Variants in PRAG1 observed in about 807,000 individuals in gnomAD.
PRAG1 encodes PEAK1 related, kinase-activating pseudokinase 1, also known as inactive tyrosine-protein kinase PRAG1.
A neutral mutation model predicts 95.6 loss-of-function variants in PRAG1; 110 were observed. The ratio of observed to expected loss-of-function variants is 1.15; its 90% CI spans 0.99 to 1.35. The LOEUF is 1.35. PRAG1 is among the 40% of genes most tolerant of loss of function. The pLI is 0.00. For synonymous variants in PRAG1, 1,052 were observed against 819.4 expected, an observed-to-expected ratio of 1.28 and a Z score of -4.85; for missense variants, 2,554 against 1,864.7, an observed-to-expected ratio of 1.37 and a Z score of -6.81.
intron 3 of PRAG1, chr8:8,374,703 C>G (rs533541867): frequency 1.9e-4 from 190 of 985,404 alleles, no homozygotes; most frequent in Non-Finnish European, 2.2e-4. Flanking sequence ...GCCAAAGAGT[C>G]TGCAATCACC....
rs745354701 is a variant in PRAG1 at position 8,318,945 on chromosome 8, G to A, written c.3430C>T (p.Arg1144Trp). ...AGCAGGTTCTCCAGGCACAGGTCCC[G>A]GTGGATGATCCCGTGCTCCTTCAGG... ...EHLKEHGIIH[R>W]DLCLENLLLV... The change falls in exon 6 of 6, where the codon CGG becomes TGG. Residue 1144 changes from arginine to tryptophan, a missense_variant. Transcript: ENST00000615670. The surrounding 1 kb of genome is among the most constrained non-coding windows in gnomAD (Gnocchi z 4.2). The A allele has an allele frequency of 6.2e-6, 10 of 1,612,532 alleles. No individual in the cohort carries two copies. Among genetic ancestry groups the A allele is most frequent in the Non-Finnish European group, 8.5e-6 (10 of 1,179,568 alleles).
Position 8,377,956 on chromosome 8 carries a change from G to T in PRAG1, c.453C>A (p.Gly151=), listed in dbSNP as rs757086896. 4 of 1,613,790 alleles carry T rather than the reference G, an allele frequency of 2.5e-6. No individual in the cohort carries two copies. In the African/African-American group the frequency reaches 5.3e-5, roughly 22 times the overall value. ...TGTAAGCTGGGGGACAGCGAGAATT[G>T]CCATCAGGGGAGGTAGAGGGACCAG... The part of the protein sequence containing the change: ...KPAGPSTSPD[G]NSRCPPAYTM... Residue 151 remains glycine (G), a synonymous_variant, in exon 3 of 6, where the codon GGC becomes GGA. Transcript: ENST00000615670.
chr8:8,349,457 T>C (rs1799450041), intron 3 of PRAG1, among the ~76,000 whole-genome samples: 1 of 151,952 alleles, frequency 6.6e-6, no homozygotes, highest in African/African-American at 2.4e-5. Context: ...ATTTTTTTTA[T>C]ATTTTTAGTA....
At chr8:8,359,734 C>G (rs541636482) in intron 3 of PRAG1, among the ~76,000 whole-genome samples, 7 of 152,292 alleles carry the variant, frequency 4.6e-5, no homozygotes, top group Non-Finnish European at 8.8e-5. Flanking sequence ...GAATTCGTAG[C>G]TTTCCTCAGT....
rs180817197 is a variant in PRAG1 at position 8,355,393 on chromosome 8, C to T, written c.2163-15758G>A. 2.6e-5 allele frequency among the ~76,000 whole-genome samples: 4 copies of T among 151,990 alleles called. No homozygotes were observed. In the East Asian group the frequency reaches 7.7e-4, roughly 29 times the overall value. Reference sequence around the variant, plus strand: ...CTATCAAAATTCCAAAGGCATTGTTCACAGAAATAGAAAAAACAATCCTAA... The same window carrying T: ...CTATCAAAATTCCAAAGGCATTGTTTACAGAAATAGAAAAAACAATCCTAA... On this transcript the variant is annotated intron_variant, in intron 3 of 5. Coordinates refer to ENST00000615670, the MANE Select transcript of PRAG1 (RefSeq NM_001080826.3).
In PRAG1 at chr8:8,376,473, C is replaced by T. The variant is rs764059940; in HGVS notation, c.1936G>A (p.Glu646Lys). ...QCRIEEEEEV[E>K]QELLSHSWGR... ...CAGCTGTGACTCAGCAATTCCTGCT[C>T]CACCTCCTCTTCTTCCTCTATCCGG... Residue 646 changes from glutamate (E) to lysine (K), a missense_variant, in exon 3 of 6, where the codon GAG becomes AAG. By Grantham distance (56) the Glu-to-Lys change is moderately conservative (BLOSUM62 1). Coordinates refer to ENST00000615670, the MANE Select transcript of PRAG1 (RefSeq NM_001080826.3). 6.2e-7 allele frequency: 1 copy of T among 1,613,786 alleles called. No homozygotes were observed. The highest frequency in any genetic ancestry group is 1.3e-5 in the African/African-American group (1 of 74,914).
intron 4 of PRAG1, among the ~76,000 whole-genome samples, chr8:8,329,490 G>T (rs968073542): frequency 6.6e-6 from 1 of 152,058 alleles, no homozygotes; most frequent in Admixed American, 6.5e-5. Context: ...TAAGGGAAGA[G>T]CATGGAGTGT....
At chr8:8,333,786 G>A (rs946144185) in intron 4 of PRAG1, among the ~76,000 whole-genome samples, 5 of 152,192 alleles carry the variant, frequency 3.3e-5, no homozygotes, top group Non-Finnish European at 7.3e-5. Context: ...CTCCCCAAAC[G>A]TTTAGCTTTT....
At chr8:8,363,746 A>G (rs1052132781) in intron 3 of PRAG1, among the ~76,000 whole-genome samples, 4 of 152,156 alleles carry the variant, frequency 2.6e-5, no homozygotes, top group African/African-American at 7.2e-5. Flanking sequence ...GTGTATGTCT[A>G]TTTTTTAAAA....
intron 3 of PRAG1, among the ~76,000 whole-genome samples, chr8:8,359,774 T>C (rs1252728146): frequency 2.6e-5 from 4 of 152,214 alleles, no homozygotes; most frequent in African/African-American, 9.6e-5. Flanking sequence ...GATGTATGTA[T>C]TTTTCATCTA....
Position 8,339,648 on chromosome 8 carries a change from G to C in PRAG1, c.2163-13C>G. 1 of 1,604,942 alleles carries C rather than the reference G, an allele frequency of 6.2e-7. No homozygotes were observed. The highest frequency in any genetic ancestry group is 8.5e-7 in the Non-Finnish European group (1 of 1,172,474). ...TTTTAGAAGGTGCCTGGAAAAGGTA[G>C]GAACAAACAATACAAATAACTCATT... On this transcript the variant is annotated splice_polypyrimidine_tract_variant and intron_variant, in intron 3 of 5. Transcript: ENST00000615670.
chr8:8,375,155 G>C (rs1156494706), intron 3 of PRAG1, among the ~76,000 whole-genome samples: 1 of 151,602 alleles, frequency 6.6e-6, no homozygotes, highest in African/African-American at 2.4e-5. Context: ...GGAAGCAGTA[G>C]GGAAAACTGA....
intron 4 of PRAG1, among the ~76,000 whole-genome samples, chr8:8,331,444 G>A (rs1585226083): frequency 6.6e-6 from 1 of 152,074 alleles, no homozygotes; most frequent in Admixed American, 6.6e-5. Flanking sequence ...AAGGCCCCTT[G>A]CAGCACTAAT....
rs753293031 is a variant in PRAG1 at position 8,377,638 on chromosome 8, C to G, written c.771G>C (p.Leu257=). ...CAACAGGGCTCCCAGGGCAGCAGTC[C>G]AGGATGGAGCAGTACTCTCCACCCT... ...DSEGGEYCSI[L]DCCPGSPVAK... Residue 257 remains leucine (L), a synonymous_variant, in exon 3 of 6, where the codon CTG becomes CTC. Coordinates refer to ENST00000615670, the MANE Select transcript of PRAG1 (RefSeq NM_001080826.3). The G allele has an allele frequency of 5.0e-6, 8 of 1,613,610 alleles. No homozygotes were observed. Among genetic ancestry groups the G allele is most frequent in the Non-Finnish European group, 5.1e-6 (6 of 1,180,008 alleles).
Position 8,317,883 on chromosome 8 carries a change from G to T in PRAG1, c.*271C>A, listed in dbSNP as rs1425455194. 1.2e-5 allele frequency: 3 copies of T among 259,242 alleles called. No individual in the cohort carries two copies. Among genetic ancestry groups the T allele is most frequent in the Non-Finnish European group, 2.1e-5 (3 of 141,574 alleles). The allele number at this position is 259,242 out of a possible 1,614,324, so 16.1% of individuals were successfully genotyped here. ...ATTCAGTTCACAGAACTGTCCTCAG[G>T]ACGTTGCATGGAACTGGAAATGTGT... On this transcript the variant is annotated 3_prime_UTR_variant, in exon 6 of 6. Transcript: ENST00000615670.
chr8:8,385,199 A>G (rs1018153428), intron 1 of PRAG1, among the ~76,000 whole-genome samples: 1 of 152,208 alleles, frequency 6.6e-6, no homozygotes, highest in Admixed American at 6.5e-5. Context: ...GGAAAGAAAT[A>G]TGTGTGGAAA....
chr8:8,364,422 T>C (rs1170158715), intron 3 of PRAG1, among the ~76,000 whole-genome samples: 2 of 152,186 alleles, frequency 1.3e-5, no homozygotes, highest in Non-Finnish European at 2.9e-5. Flanking sequence ...TTGTCAGTCT[T>C]TGATACACTG....
At chr8:8,353,632 T>C (rs570184395) in intron 3 of PRAG1, among the ~76,000 whole-genome samples, 2 of 152,266 alleles carry the variant, frequency 1.3e-5, no homozygotes, top group Admixed American at 6.5e-5. Context: ...TATAACATTA[T>C]ATACCTCAAA....
chr8:8,378,678 G>A (rs1046110285), intron 2 of PRAG1, among the ~76,000 whole-genome samples: 1 of 151,920 alleles, frequency 6.6e-6, no homozygotes, highest in African/African-American at 2.4e-5. Flanking sequence ...TGGGCAACAT[G>A]GCCAAATCCC....
Sources: allele counts gnomAD v4.1 joint callset (sites outside exome capture counted in the v4.1 genomes callset), GRCh38; gene constraint gnomAD v4.1.1; non-coding constraint Gnocchi (gnomAD v3.1); transcripts MANE v1.5; gene names NCBI Gene and HGNC (gene_info 2026-07-23, HGNC 2026-07-21).